CAMK4: variants seen among roughly 807,000 people sequenced by gnomAD.
The protein encoded by CAMK4 is calcium/calmodulin-dependent protein kinase type IV.
In CAMK4, 22 loss-of-function variants were observed where a neutral mutation model predicts 44.9. That is an observed-to-expected ratio of 0.49 (90% confidence interval 0.35 to 0.70). The LOEUF is 0.70. Among genes scored for constraint, CAMK4 ranks in the 30% least tolerant of loss-of-function variants. The pLI is 0.01. For missense variants in CAMK4, 498 were observed against 586.8 expected (o/e 0.85, Z 1.56); for synonymous variants, 218 against 215.4 (o/e 1.01, Z -0.11).
chr5:111,228,060 T>C (rs1415630210), intron 1 of CAMK4, among the ~76,000 whole-genome samples: 2 of 152,202 alleles, frequency 1.3e-5, no homozygotes, highest in Non-Finnish European at 2.9e-5. Context: ...GCCTGCTTGG[T>C]GGTGCAGATT....
intron 1 of CAMK4, among the ~76,000 whole-genome samples, chr5:111,266,450 T>C (rs1391851306): frequency 1.3e-5 from 2 of 152,342 alleles, no homozygotes; most frequent in East Asian, 3.9e-4. Context: ...TTTTAAGATA[T>C]CTATGAATTC....
intron 1 of CAMK4, among the ~76,000 whole-genome samples, chr5:111,341,671 CAT>C (rs1478659204): frequency 2.6e-5 from 4 of 151,200 alleles, no homozygotes. Context: ...TAAATGCTTA[CAT>C]AGACCTTACT....
At chr5:111,258,748 T>C (rs1254856679) in intron 1 of CAMK4, among the ~76,000 whole-genome samples, 2 of 129,674 alleles carry the variant, frequency 1.5e-5, no homozygotes, top group Non-Finnish European at 3.2e-5. Flanking sequence ...AGCGTGTGTG[T>C]GTGTGTGTGT....
intron 5 of CAMK4, among the ~76,000 whole-genome samples, chr5:111,434,552 C>T (rs1025438033): frequency 2.0e-5 from 3 of 152,172 alleles, no homozygotes; most frequent in Non-Finnish European, 4.4e-5. Context: ...CATGGCTTAG[C>T]ACAGATTTCA....
At chr5:111,267,565 G>A (rs1035950023) in intron 1 of CAMK4, among the ~76,000 whole-genome samples, 125 of 151,820 alleles carry the variant, frequency 8.2e-4, no homozygotes, top group Middle Eastern at 3.4e-3. Flanking sequence ...TTAGCGGGGC[G>A]CAGTGGCGGG....
chr5:111,323,394 A>G (rs778347139), intron 1 of CAMK4, among the ~76,000 whole-genome samples: 4 of 152,100 alleles, frequency 2.6e-5, no homozygotes, highest in African/African-American at 4.8e-5. Context: ...AAAAAATCAC[A>G]AGTCAAACCA....
intron 4 of CAMK4, among the ~76,000 whole-genome samples, chr5:111,394,257 A>G (rs148183045): frequency 7.5e-4 from 114 of 152,170 alleles, no homozygotes; most frequent in African/African-American, 2.6e-3. Flanking sequence ...TTTAGAGATA[A>G]CCTCCTCAAA....
At chr5:111,406,328 AT>A (rs1360060957) in intron 5 of CAMK4, among the ~76,000 whole-genome samples, 1 of 151,708 alleles carries the variant, frequency 6.6e-6, no homozygotes, top group Non-Finnish European at 1.5e-5. Flanking sequence ...GGTTCAAGCA[AT>A]TCTCCTGCCT....
intron 2 of CAMK4, among the ~76,000 whole-genome samples, chr5:111,354,514 G>A (rs972358032): frequency 1.3e-5 from 2 of 151,214 alleles, no homozygotes; most frequent in South Asian, 4.2e-4. Flanking sequence ...ATTTTGCAAT[G>A]CGTACATCAG....
intron 8 of CAMK4, among the ~76,000 whole-genome samples, chr5:111,476,758 G>A (rs909161094): frequency 1.1e-4 from 16 of 151,956 alleles, no homozygotes; most frequent in Non-Finnish European, 2.1e-4. Flanking sequence ...TGCAGGACTG[G>A]GCCTTATGAT....
intron 1 of CAMK4, among the ~76,000 whole-genome samples, chr5:111,338,951 C>G (rs1219138367): frequency 6.6e-6 from 1 of 151,322 alleles, no homozygotes; most frequent in African/African-American, 2.4e-5. Flanking sequence ...TTTTTGAATG[C>G]ATATGAATTT....
intron 5 of CAMK4, among the ~76,000 whole-genome samples, chr5:111,415,728 A>G (rs926728212): frequency 1.3e-5 from 2 of 152,232 alleles, no homozygotes; most frequent in Non-Finnish European, 2.9e-5. Context: ...CTAGTTTTAT[A>G]CAGATTTGAT....
chr5:111,400,627 C>T (rs1752189470), intron 5 of CAMK4, among the ~76,000 whole-genome samples: 1 of 152,120 alleles, frequency 6.6e-6, no homozygotes, highest in Admixed American at 6.5e-5. Flanking sequence ...AACCTTGCTC[C>T]TTCTGCTTTT....
At chr5:111,332,326 GGT>G in intron 1 of CAMK4, among the ~76,000 whole-genome samples, 1 of 147,482 alleles carries the variant, frequency 6.8e-6, no homozygotes, top group East Asian at 2.1e-4. Flanking sequence ...GAGAACATGC[GGT>G]GTTTGGTTTT....
intron 1 of CAMK4, among the ~76,000 whole-genome samples, chr5:111,281,780 C>G (rs187670999): frequency 6.6e-6 from 1 of 152,118 alleles, no homozygotes; most frequent in Non-Finnish European, 1.5e-5. Context: ...TGGAATTGGC[C>G]GGGCGCGGTG....
At chr5:111,284,962 C>T (rs1245382073) in intron 1 of CAMK4, among the ~76,000 whole-genome samples, 1 of 152,188 alleles carries the variant, frequency 6.6e-6, no homozygotes, top group Non-Finnish European at 1.5e-5. Flanking sequence ...TGTAAATCAG[C>T]AGAAGCTATT....
chr5:111,231,248 T>C (rs1748460261), intron 1 of CAMK4, among the ~76,000 whole-genome samples: 1 of 152,154 alleles, frequency 6.6e-6, no homozygotes, highest in Admixed American at 6.5e-5. Context: ...GGAGAGACAG[T>C]GATTCATAGT....
chr5:111,402,662 G>T (rs951660088), intron 5 of CAMK4, among the ~76,000 whole-genome samples: 1 of 152,194 alleles, frequency 6.6e-6, no homozygotes, highest in African/African-American at 2.4e-5. Flanking sequence ...GCTAGGGCAA[G>T]GTCATATTAC....
chr5:111,291,157 A>G (rs1360650100), intron 1 of CAMK4, among the ~76,000 whole-genome samples: 1 of 152,186 alleles, frequency 6.6e-6, no homozygotes, highest in Admixed American at 6.5e-5. Flanking sequence ...TATGTGTTCG[A>G]AAAATAATAA....
Sources: gnomAD v4.1 joint callset for allele counts (sites outside exome capture counted in the v4.1 genomes callset) on GRCh38, gnomAD v4.1.1 for gene constraint, MANE v1.5 for transcripts, NCBI Gene and HGNC (gene_info 2026-07-23, HGNC 2026-07-21) for gene names.